ZNRF3: variants seen among roughly 807,000 people sequenced by gnomAD.
ZNRF3 encodes the protein zinc and ring finger 3.
Under a neutral mutation model 72.5 loss-of-function variants are expected in ZNRF3, and 23 were observed. That is an observed-to-expected ratio of 0.32 (90% CI 0.23 to 0.45). The LOEUF (loss-of-function observed/expected upper bound fraction) is 0.45, where lower values mean the gene tolerates loss of function less well. ZNRF3 is among the 20% of genes least tolerant of loss of function. The pLI is 1.00. For missense variants in ZNRF3, 1,169 were observed against 1,272.1 expected (o/e 0.92, Z 1.23); for synonymous variants, 610 against 545.3 (o/e 1.12, Z -1.65).
chr22:29,028,030 A>C (rs1183594013), intron 2 of ZNRF3, among the ~76,000 whole-genome samples: 5 of 152,230 alleles, frequency 3.3e-5, no homozygotes, highest in African/African-American at 9.6e-5. Context: ...ATTTTGGTTT[A>C]AGGTGAAGAG....
At chr22:28,944,204 G>A (rs890640889) in intron 1 of ZNRF3, among the ~76,000 whole-genome samples, 5 of 152,164 alleles carry the variant, frequency 3.3e-5, no homozygotes, top group African/African-American at 1.2e-4. Context: ...CCGGCTAGGT[G>A]CAGTGGCTCA....
chr22:29,020,777 GTGTGTGT>G (rs761097761), intron 2 of ZNRF3, among the ~76,000 whole-genome samples: 1 of 100,144 alleles, frequency 1.0e-5, no homozygotes, highest in Admixed American at 9.6e-5. Flanking sequence ...GTGTGTGTGG[GTGTGTGT>G]GTGTGTGTGT....
intron 1 of ZNRF3, among the ~76,000 whole-genome samples, chr22:28,958,654 A>G (rs545850423): frequency 6.6e-6 from 1 of 152,206 alleles, no homozygotes; most frequent in Non-Finnish European, 1.5e-5. Context: ...GAGAGAGGGT[A>G]TAAGAGTGGC....
At position 29,057,291 on chromosome 22, in the gene ZNRF3, T is replaced by C. The variant is rs2037316919; in HGVS notation, c.*3669T>C. On this transcript the variant is annotated 3_prime_UTR_variant, in exon 9 of 9. Coordinates refer to ENST00000544604, the MANE Select transcript of ZNRF3 (RefSeq NM_001206998.2). ...TATATTTATCTTAAGCCATGTCTTA[T>C]GTTGAGAGTGTGACATTGTTGGAAT... 3 of 152,248 alleles carry C rather than the reference T, an allele frequency of 2.0e-5. No individual in the cohort carries two copies. The highest frequency in any genetic ancestry group is 1.9e-4 in the East Asian group (1 of 5,204). The allele number at this position is 152,248 out of a possible 1,614,324, so 9.4% of individuals were successfully genotyped here.
At chr22:28,989,166 C>A (rs1033364844) in intron 2 of ZNRF3, among the ~76,000 whole-genome samples, 1 of 152,208 alleles carries the variant, frequency 6.6e-6, no homozygotes, top group African/African-American at 2.4e-5. Flanking sequence ...CAAGCAGCAG[C>A]CCCCACGTTT....
rs183058929 is a variant in ZNRF3, at chr22:28,975,395, G to A, written c.301-11681G>A. Among the ~76,000 whole-genome samples, 168 of 151,912 alleles carry A rather than the reference G, an allele frequency of 1.1e-3. 1 individual carries two copies. The highest frequency in any genetic ancestry group is 3.8e-3 in the African/African-American group (158 of 41,456). ...CGGACGCCTGTAGTCCCAGCTACTCGGGGGGCTGAGGCAGGAGAATCACTT... is the reference window on the plus strand; with the variant it reads ...CGGACGCCTGTAGTCCCAGCTACTCAGGGGGCTGAGGCAGGAGAATCACTT... On this transcript the variant is annotated intron_variant, in intron 1 of 8. Transcript: ENST00000544604.
At position 29,050,554 on chromosome 22, in the gene ZNRF3, C is replaced by T. The variant is rs566481251; in HGVS notation, c.2373C>T (p.Gly791=). The change falls in exon 8 of 9, where the codon GGC becomes GGT. Residue 791 remains glycine (G), a synonymous_variant. Transcript: ENST00000544604. ...FYEEKQVARG[G]GGGSGCYTED... ...AAGAGAAGCAGGTGGCCCGCGGGGG[C>T]GGAGGGGGCAGCGGCTGCTACACTG... 2,611 of 1,609,740 alleles carry T rather than the reference C, an allele frequency of 1.6e-3. 56 individuals carry two copies. In the South Asian group the frequency reaches 0.027, roughly 17 times the overall value.
chr22:29,043,344 G>T lies in ZNRF3; in HGVS notation c.547G>T (p.Val183Leu), dbSNP rs373972476. 6.2e-7 allele frequency: 1 copy of T among 1,614,076 alleles called. No individual in the cohort carries two copies. Among genetic ancestry groups the T allele is most frequent in the Non-Finnish European group, 8.5e-7 (1 of 1,180,024 alleles). Residue 183 changes from valine to leucine, a missense_variant, in exon 4 of 9, where the codon GTG (valine) becomes TTG (leucine). Val to Leu is a conservative substitution (Grantham distance 32). Coordinates refer to ENST00000544604, the MANE Select transcript of ZNRF3 (RefSeq NM_001206998.2). The stretch of plus-strand genomic sequence containing the variant: ...CCCGCTCAAGAGGCCGGTGGTGTAT[G>T]TGAAGGGTGCAGATGCCATTAAGCT... ...EDPLKRPVVYVKGADAIKLMN... is the reference protein window; with the variant it reads ...EDPLKRPVVYLKGADAIKLMN...
rs778209636 is a variant in ZNRF3 at position 29,053,646 on chromosome 22, A to C, written c.*24A>C. 2 of 1,611,240 alleles carry C rather than the reference A, an allele frequency of 1.2e-6. No homozygotes were observed. Among genetic ancestry groups the C allele is most frequent in the African/African-American group, 2.7e-5 (2 of 74,906 alleles). ...GAGCTCAGGAGGAACTCTTACCTGG[A>C]AATTGGGAACTGTATGGAGACTCCA... is the stretch of plus-strand genomic sequence containing the variant. On this transcript the variant is annotated 3_prime_UTR_variant, in exon 9 of 9. Coordinates refer to ENST00000544604, the MANE Select transcript of ZNRF3 (RefSeq NM_001206998.2).
chr22:29,049,603 C>A lies in ZNRF3; in HGVS notation c.1422C>A (p.Phe474Leu). ...QYETMYQHYY[F>L]QGLSYPEQEG... ...AGACCATGTACCAGCACTACTACTT[C>A]CAGGGCCTCAGCTACCCGGAGCAGG... Residue 474 changes from phenylalanine to leucine, a missense_variant, in exon 8 of 9, where the codon TTC (phenylalanine) becomes TTA (leucine). Phe to Leu is a conservative substitution (Grantham distance 22). Transcript: ENST00000544604. The surrounding 1 kb of genome is among the most constrained non-coding windows in gnomAD (Gnocchi z 5.2). 8.7e-6 allele frequency: 14 copies of A among 1,609,808 alleles called. No homozygotes were observed. Among genetic ancestry groups the A allele is most frequent in the Non-Finnish European group, 1.2e-5 (14 of 1,178,990 alleles).
At chr22:28,967,812 C>G (rs1370147180) in intron 1 of ZNRF3, among the ~76,000 whole-genome samples, 1 of 151,570 alleles carries the variant, frequency 6.6e-6, no homozygotes, top group Non-Finnish European at 1.5e-5. Flanking sequence ...GTAGTCCCAG[C>G]TACTCAGGTG....
chr22:28,934,958 A>C (rs1453250762), intron 1 of ZNRF3, among the ~76,000 whole-genome samples: 5 of 151,800 alleles, frequency 3.3e-5, no homozygotes, highest in Non-Finnish European at 7.3e-5. Context: ...ATGGTTTTGC[A>C]TAAATGGGAT....
chr22:29,039,313 G>A (rs2036917199), intron 2 of ZNRF3, among the ~76,000 whole-genome samples: 1 of 152,148 alleles, frequency 6.6e-6, no homozygotes, highest in Admixed American at 6.5e-5. Flanking sequence ...CCCAGATCCT[G>A]CAGCCTTTCA....
intron 1 of ZNRF3, among the ~76,000 whole-genome samples, chr22:28,945,074 T>G (rs1462233198): frequency 4.0e-5 from 6 of 151,646 alleles, no homozygotes; most frequent in Non-Finnish European, 5.9e-5. Flanking sequence ...TCCCAGCACT[T>G]TGGGAGGCTG....
chr22:28,897,921 G>A (rs1021323166), intron 1 of ZNRF3, among the ~76,000 whole-genome samples: 3 of 152,090 alleles, frequency 2.0e-5, no homozygotes, highest in Non-Finnish European at 2.9e-5. Context: ...GTGTTAATGT[G>A]GCCTGCAGAA....
At chr22:28,965,015 C>G (rs1485262339) in intron 1 of ZNRF3, among the ~76,000 whole-genome samples, 1 of 152,142 alleles carries the variant, frequency 6.6e-6, no homozygotes, top group Non-Finnish European at 1.5e-5. Flanking sequence ...ACTCTCACCT[C>G]AACTGCGCCA....
intron 4 of ZNRF3, 92 bp downstream of exon 4, chr22:29,043,522 C>G (rs2037008276): frequency 2.0e-6 from 3 of 1,494,646 alleles, no homozygotes; most frequent in Non-Finnish European, 2.7e-6. Flanking sequence ...CTATCTCTGT[C>G]TGAAATGCTG....
chr22:28,985,427 T>C (rs893948485), intron 1 of ZNRF3, among the ~76,000 whole-genome samples: 5 of 152,180 alleles, frequency 3.3e-5, no homozygotes, highest in Non-Finnish European at 7.3e-5. Context: ...CTCTTCCTTC[T>C]AAGCTCACTC....
At chr22:29,007,261 A>C (rs531427598) in intron 2 of ZNRF3, among the ~76,000 whole-genome samples, 9 of 152,174 alleles carry the variant, frequency 5.9e-5, no homozygotes, top group Non-Finnish European at 1.3e-4. Context: ...CTAGGGGGAA[A>C]GTTTGGTTAA....
Sources: allele counts gnomAD v4.1 joint callset (sites outside exome capture counted in the v4.1 genomes callset), GRCh38; gene constraint gnomAD v4.1.1; non-coding constraint Gnocchi (gnomAD v3.1); transcripts MANE v1.5; gene names NCBI Gene and HGNC (gene_info 2026-07-23, HGNC 2026-07-21).